The following ST8SIA2 variants were observed in gnomAD, a reference collection of about 807,000 sequenced individuals.
The protein encoded by ST8SIA2 is alpha-2,8-sialyltransferase 8B.
ST8SIA2 carries 22 observed loss-of-function variants against 37.6 expected under a neutral mutation model. That is an observed-to-expected ratio of 0.58 (90% confidence interval 0.42 to 0.83). ST8SIA2 has a LOEUF of 0.83. Among genes scored for constraint, ST8SIA2 ranks in the 40% least tolerant of loss-of-function variants. The pLI is 0.00. For missense variants in ST8SIA2, 382 were observed against 484.7 expected (o/e 0.79, Z 1.99); for synonymous variants, 205 against 201.2 (o/e 1.02, Z -0.16).
chr15:92,426,170 C>T (rs1216412502), intron 1 of ST8SIA2, among the ~76,000 whole-genome samples: 1 of 152,068 alleles, frequency 6.6e-6, no homozygotes, highest in East Asian at 1.9e-4. Flanking sequence ...AGCCTCCCAT[C>T]TGTGATTCCA....
At chr15:92,427,462 A>G (rs2141825941) in intron 1 of ST8SIA2, among the ~76,000 whole-genome samples, 1 of 152,318 alleles carries the variant, frequency 6.6e-6, no homozygotes, top group Middle Eastern at 3.4e-3. Context: ...AGATTTCATG[A>G]AAGAAACTGG....
intron 1 of ST8SIA2, among the ~76,000 whole-genome samples, chr15:92,419,200 G>A (rs112592012): frequency 0.011 from 1,622 of 152,292 alleles, 18 homozygotes; most frequent in Non-Finnish European, 0.018. Context: ...TCATTGCAAG[G>A]TGGCCATATC....
In ST8SIA2 at chr15:92,464,613, G is replaced by A; in HGVS notation, c.*228G>A. On this transcript the variant is annotated 3_prime_UTR_variant, in exon 6 of 6. Coordinates refer to ENST00000268164, the MANE Select transcript of ST8SIA2 (RefSeq NM_006011.4). ...GCATTAGGCAGATAGGCCACAGGAA[G>A]AAGGTGTGGAGAACCCACCTGAACC... 1.7e-6 allele frequency: 1 copy of A among 587,468 alleles called. No individual in the cohort carries two copies. Among genetic ancestry groups the A allele is most frequent in the South Asian group, 2.0e-5 (1 of 49,106 alleles). The allele number at this position is 587,468 out of a possible 1,614,324, so 36.4% of individuals were successfully genotyped here. A position where few individuals can be genotyped will look rare whatever the true frequency, so the allele number is the denominator to read the frequency against.
chr15:92,457,325 C>T (rs1326338394), intron 5 of ST8SIA2, among the ~76,000 whole-genome samples: 1 of 152,198 alleles, frequency 6.6e-6, no homozygotes, highest in Non-Finnish European at 1.5e-5. Context: ...TCCACATACC[C>T]AGCCCAGGAA....
chr15:92,397,670 T>C (rs8025225), intron 1 of ST8SIA2, among the ~76,000 whole-genome samples: 67,450 of 151,994 alleles, frequency 0.44, 15,341 homozygotes, highest in Middle Eastern at 0.54. Context: ...TTTCTTGGCC[T>C]TTAATCTTGA....
chr15:92,394,253 G>GC (rs1323417339), intron 1 of ST8SIA2, 91 bp downstream of exon 1: 1 of 1,124,004 alleles, frequency 8.9e-7, no homozygotes. Context: ...CTTTGTGTGC[G>GC]CCGCGCCCCG....
At chr15:92,410,129 G>C (rs1262597369) in intron 1 of ST8SIA2, among the ~76,000 whole-genome samples, 2 of 152,246 alleles carry the variant, frequency 1.3e-5, no homozygotes, top group Non-Finnish European at 2.9e-5. Flanking sequence ...GGACCTACAG[G>C]TCTTCACTTG....
intron 1 of ST8SIA2, among the ~76,000 whole-genome samples, chr15:92,396,541 TG>T (rs1174376720): frequency 1.3e-5 from 2 of 152,094 alleles, no homozygotes; most frequent in South Asian, 4.2e-4. Flanking sequence ...TCGCCCAGGA[TG>T]GAGTGCAGTG....
chr15:92,423,046 A>G (rs2049648306), intron 1 of ST8SIA2, among the ~76,000 whole-genome samples: 1 of 152,254 alleles, frequency 6.6e-6, no homozygotes, highest in Middle Eastern at 3.2e-3. Flanking sequence ...GCCAGACACA[A>G]AAGAACAAAT....
intron 5 of ST8SIA2, among the ~76,000 whole-genome samples, chr15:92,460,024 A>C (rs2049946673): frequency 6.6e-6 from 1 of 152,128 alleles, no homozygotes; most frequent in East Asian, 1.9e-4. Flanking sequence ...TGCCTTCACA[A>C]CACTGAGGCT....
intron 3 of ST8SIA2, among the ~76,000 whole-genome samples, chr15:92,434,946 C>G (rs1210651140): frequency 1.3e-5 from 2 of 152,218 alleles, no homozygotes; most frequent in African/African-American, 2.4e-5. Flanking sequence ...TCGTCCTGAT[C>G]TGTGCAGAGT....
chr15:92,424,476 TAGAATAGATCC>T (rs1324115879), intron 1 of ST8SIA2, among the ~76,000 whole-genome samples: 1 of 152,344 alleles, frequency 6.6e-6, no homozygotes, highest in East Asian at 1.9e-4. Flanking sequence ...TGCTTTTCAC[TAGAATAGATCC>T]AGCTGTGTGT....
chr15:92,405,830 C>A (rs1277060588), intron 1 of ST8SIA2, among the ~76,000 whole-genome samples: 2 of 152,292 alleles, frequency 1.3e-5, no homozygotes, highest in Middle Eastern at 3.4e-3. Context: ...TGTGGCCACT[C>A]TGAATTCTTG....
intron 2 of ST8SIA2, among the ~76,000 whole-genome samples, chr15:92,431,118 T>C (rs897905889): frequency 2.6e-5 from 4 of 152,198 alleles, no homozygotes; most frequent in African/African-American, 9.7e-5. Context: ...GAAATGTGAA[T>C]ATGGCAGAAA....
chr15:92,458,521 G>A (rs2049935138), intron 5 of ST8SIA2, among the ~76,000 whole-genome samples: 2 of 152,272 alleles, frequency 1.3e-5, no homozygotes, highest in African/African-American at 4.8e-5. Context: ...CTGCGCTTGG[G>A]GAGACCACAG....
At chr15:92,401,887 G>T (rs1487984) in intron 1 of ST8SIA2, among the ~76,000 whole-genome samples, 24,823 of 149,948 alleles carry the variant, frequency 0.17, 3,344 homozygotes, top group African/African-American at 0.37. Flanking sequence ...GAGCCACAGA[G>T]GAGTGGTGAT....
intron 1 of ST8SIA2, chr15:92,417,674 T>C (rs2049597943): frequency 6.6e-6 from 1 of 152,218 alleles, no homozygotes; most frequent in Admixed American, 6.5e-5. Flanking sequence ...CTGTGTAGTA[T>C]ATTTCTCCTA....
intron 4 of ST8SIA2, among the ~76,000 whole-genome samples, chr15:92,440,179 G>A (rs1023576778): frequency 2.5e-4 from 38 of 152,198 alleles, no homozygotes; most frequent in South Asian, 6.2e-4. Context: ...ACATGACTTG[G>A]AGTGTATCTC....
At chr15:92,423,520 G>T (rs892354219) in intron 1 of ST8SIA2, among the ~76,000 whole-genome samples, 1 of 152,244 alleles carries the variant, frequency 6.6e-6, no homozygotes, top group African/African-American at 2.4e-5. Flanking sequence ...ATTTCTCATA[G>T]TTCCGGAGGC....
Sources: allele counts gnomAD v4.1 joint callset (sites outside exome capture counted in the v4.1 genomes callset), GRCh38; gene constraint gnomAD v4.1.1; transcripts MANE v1.5; gene names NCBI Gene and HGNC (gene_info 2026-07-23, HGNC 2026-07-21).